BCKDHB: variants seen among roughly 807,000 people sequenced by gnomAD.
BCKDHB encodes 2-oxoisovalerate dehydrogenase subunit beta, mitochondrial.
Under a neutral mutation model 48.5 loss-of-function variants are expected in BCKDHB, and 41 were observed. That is an observed-to-expected ratio of 0.85 (90% CI 0.66 to 1.10). The LOEUF (loss-of-function observed/expected upper bound fraction) is 1.10, where lower values mean the gene tolerates loss of function less well. BCKDHB is among the 50% of genes least tolerant of loss of function. The pLI is 0.00. For synonymous variants in BCKDHB, 201 were observed against 174.8 expected (o/e 1.15, Z -1.18); for missense variants, 496 against 494.2 (o/e 1.00, Z -0.03).
chr6:80,349,344 A>G (rs6903378), downstream of BCKDHB, among the ~76,000 whole-genome samples: 46,791 of 152,058 alleles, frequency 0.31, 7,357 homozygotes, highest in Middle Eastern at 0.36. Flanking sequence ...AGTGCCTGTT[A>G]CGGGCCGGGC....
chr6:80,302,099 A>T (rs940436415), intron 9 of BCKDHB, among the ~76,000 whole-genome samples: 4 of 152,196 alleles, frequency 2.6e-5, no homozygotes, highest in Non-Finnish European at 4.4e-5. Context: ...CAAGACAAGG[A>T]TACCCACTCT....
chr6:80,438,777 T>A, the BCKDHB span, among the ~76,000 whole-genome samples: 1 of 152,182 alleles, frequency 6.6e-6, no homozygotes, highest in Non-Finnish European at 1.5e-5. Flanking sequence ...TTAAATGGGG[T>A]TACATCTGTG....
At chr6:80,354,811 G>A in the BCKDHB span, among the ~76,000 whole-genome samples, 24 of 152,118 alleles carry the variant, frequency 1.6e-4, no homozygotes, top group Admixed American at 1.4e-3. Context: ...TCAGTTAGCT[G>A]TAAATATGTG....
the BCKDHB span, among the ~76,000 whole-genome samples, chr6:80,381,343 G>A: frequency 2.0e-5 from 3 of 151,958 alleles, no homozygotes; most frequent in African/African-American, 7.2e-5. Context: ...ATCATGCCAG[G>A]TCTCAATATA....
intron 8 of BCKDHB, among the ~76,000 whole-genome samples, chr6:80,268,382 T>C (rs1777601848): frequency 6.6e-6 from 1 of 152,136 alleles, no homozygotes; most frequent in African/African-American, 2.4e-5. Context: ...GCATTACATA[T>C]ATGAGGTTCT....
chr6:80,142,865 T>A (rs908297528), intron 3 of BCKDHB, among the ~76,000 whole-genome samples: 1 of 152,146 alleles, frequency 6.6e-6, no homozygotes, highest in Admixed American at 6.6e-5. Flanking sequence ...AGTCCAGTTA[T>A]GAAAAAATTT....
At chr6:80,464,422 C>T in the BCKDHB span, among the ~76,000 whole-genome samples, 1 of 152,134 alleles carries the variant, frequency 6.6e-6, no homozygotes, top group Non-Finnish European at 1.5e-5. Context: ...CCACTGCACC[C>T]AGCCTCATCT....
At chr6:80,409,912 A>G in the BCKDHB span, among the ~76,000 whole-genome samples, 2 of 151,986 alleles carry the variant, frequency 1.3e-5, no homozygotes, top group Non-Finnish European at 2.9e-5. Flanking sequence ...TGGGACATTT[A>G]GCCCATTTAC....
intron 1 of BCKDHB, among the ~76,000 whole-genome samples, chr6:80,109,886 C>A (rs1424071572): frequency 6.6e-6 from 1 of 152,090 alleles, no homozygotes; most frequent in African/African-American, 2.4e-5. Flanking sequence ...TTAGTACTTA[C>A]CCAAGTCTGG....
rs532266920 is a variant in BCKDHB, at chr6:80,211,262, A to T, written c.951+8050A>T. Among the ~76,000 whole-genome samples, 7 of 152,322 alleles carry T rather than the reference A, an allele frequency of 4.6e-5. No homozygotes were observed. The East Asian group carries it at 1.4e-3, about 29-fold the overall frequency. ...TTTACCTGAAGATTAAATTATGCTA[A>T]TTATTAAAATGTATAAGAATTTGCC... On this transcript the variant is annotated intron_variant, in intron 8 of 9. Coordinates refer to ENST00000320393, the MANE Select transcript of BCKDHB (RefSeq NM_183050.4).
At chr6:80,245,292 G>T (rs553115932) in intron 8 of BCKDHB, among the ~76,000 whole-genome samples, 2 of 151,990 alleles carry the variant, frequency 1.3e-5, no homozygotes, top group Admixed American at 6.5e-5. Context: ...TCAAAAGGTT[G>T]CTATGGGAAC....
rs60689072 is a variant in BCKDHB, at chr6:80,343,999, TTTGTTG to T, written c.*207_*212del. 17 of 581,572 alleles carry T rather than the reference TTTGTTG, an allele frequency of 2.9e-5. No individual in the cohort carries two copies. The highest frequency in any genetic ancestry group is 5.7e-5 in the South Asian group (3 of 52,960). The allele number at this position is 581,572 out of a possible 1,614,324, so 36.0% of individuals were successfully genotyped here. ...AAATTTATAGTAGTATATTTACATTTTTGTTGTTGTTGTTGTTCTGAGATGGAGTCT... is the reference window on the plus strand; with the variant it reads ...AAATTTATAGTAGTATATTTACATTTTTGTTGTTGTTCTGAGATGGAGTCT... On this transcript the variant is annotated 3_prime_UTR_variant, in exon 10 of 10. Coordinates refer to ENST00000320393, the MANE Select transcript of BCKDHB (RefSeq NM_183050.4).
chr6:80,182,406 C>T (rs1476975144), intron 6 of BCKDHB, among the ~76,000 whole-genome samples: 3 of 152,106 alleles, frequency 2.0e-5, no homozygotes, highest in Non-Finnish European at 4.4e-5. Context: ...CTAAGTTTGA[C>T]CGTAAGCAGA....
chr6:80,318,279 A>C (rs1768542788), intron 9 of BCKDHB, among the ~76,000 whole-genome samples: 1 of 152,178 alleles, frequency 6.6e-6, no homozygotes, highest in Non-Finnish European at 1.5e-5. Flanking sequence ...TCAAACAGGG[A>C]GAAGGACATG....
the BCKDHB span, among the ~76,000 whole-genome samples, chr6:80,418,256 G>C: frequency 3.1e-4 from 47 of 151,054 alleles, no homozygotes; most frequent in African/African-American, 1.1e-3. Flanking sequence ...AATGATCTTT[G>C]TTCCTATCCA....
chr6:80,239,709 TTTC>T (rs1449185396), intron 8 of BCKDHB, among the ~76,000 whole-genome samples: 3 of 152,184 alleles, frequency 2.0e-5, no homozygotes, highest in Non-Finnish European at 4.4e-5. Flanking sequence ...TTGCCTAGGT[TTTC>T]TTCTAGGGTT....
At chr6:80,159,119 G>A (rs1411047107) in intron 3 of BCKDHB, among the ~76,000 whole-genome samples, 2 of 152,048 alleles carry the variant, frequency 1.3e-5, no homozygotes, top group Non-Finnish European at 2.9e-5. Context: ...ACCCAGGTTA[G>A]TCCTGTTTGC....
chr6:80,131,582 TC>T (rs1770632108), intron 3 of BCKDHB, among the ~76,000 whole-genome samples: 1 of 152,054 alleles, frequency 6.6e-6, no homozygotes, highest in Non-Finnish European at 1.5e-5. Flanking sequence ...TCCAATCCAT[TC>T]CCTATCTTGT....
At chr6:80,409,489 T>C in the BCKDHB span, among the ~76,000 whole-genome samples, 5 of 148,786 alleles carry the variant, frequency 3.4e-5, no homozygotes, top group Non-Finnish European at 6.0e-5. Flanking sequence ...TGTTGAAGTC[T>C]CCCGTCATTA....
Sources: allele counts gnomAD v4.1 joint callset (sites outside exome capture counted in the v4.1 genomes callset), GRCh38; gene constraint gnomAD v4.1.1; transcripts MANE v1.5; gene names NCBI Gene and HGNC (gene_info 2026-07-23, HGNC 2026-07-21).